RALYL: variants seen among roughly 807,000 people sequenced by gnomAD.
RALYL encodes RALY RNA binding protein like.
In RALYL, 29 loss-of-function variants were observed where a neutral mutation model predicts 35.1. The ratio of observed to expected loss-of-function variants is 0.83; its 90% CI spans 0.61 to 1.13. The LOEUF is 1.13. Among genes scored for constraint, RALYL ranks in the 50% most tolerant of loss-of-function variants. RALYL has a pLI of 0.00. For missense variants in RALYL, 359 were observed against 360.4 expected (o/e 1.00, Z 0.03); for synonymous variants, 120 against 127.6 (o/e 0.94, Z 0.40).
chr8:84,281,213 T>C (rs574961673), intron 1 of RALYL, among the ~76,000 whole-genome samples: 1 of 152,308 alleles, frequency 6.6e-6, no homozygotes, highest in South Asian at 2.1e-4. Flanking sequence ...CTAAAATCAC[T>C]TGGGATACTG....
intron 7 of RALYL, among the ~76,000 whole-genome samples, chr8:84,885,832 C>T (rs1842847566): frequency 6.6e-6 from 1 of 152,086 alleles, no homozygotes; most frequent in Non-Finnish European, 1.5e-5. Context: ...TGTTGTTATT[C>T]AGTGAAGAGC....
intron 1 of RALYL, among the ~76,000 whole-genome samples, chr8:84,368,145 A>AC (rs1219509630): frequency 6.6e-6 from 1 of 151,946 alleles, no homozygotes; most frequent in Non-Finnish European, 1.5e-5. Context: ...AGAATTTGTA[A>AC]CTGAAAAACG....
intron 2 of RALYL, among the ~76,000 whole-genome samples, chr8:84,636,684 T>C (rs2131314158): frequency 6.6e-6 from 1 of 151,992 alleles, no homozygotes; most frequent in Non-Finnish European, 1.5e-5. Flanking sequence ...CAAGCATTTA[T>C]CTTATTGACA....
At chr8:84,458,263 G>T (rs1202592926) in intron 1 of RALYL, among the ~76,000 whole-genome samples, 1 of 151,794 alleles carries the variant, frequency 6.6e-6, no homozygotes, top group Non-Finnish European at 1.5e-5. Context: ...GATGATAAAT[G>T]TGTAGTCCTC....
At chr8:84,327,743 C>A (rs185091088) in intron 1 of RALYL, among the ~76,000 whole-genome samples, 1 of 151,646 alleles carries the variant, frequency 6.6e-6, no homozygotes, top group Non-Finnish European at 1.5e-5. Flanking sequence ...AGCTTTAAAG[C>A]AGTAGGAATT....
intron 1 of RALYL, among the ~76,000 whole-genome samples, chr8:84,358,918 A>G (rs921711149): frequency 6.6e-6 from 1 of 152,062 alleles, no homozygotes; most frequent in African/African-American, 2.4e-5. Context: ...AGGATCCAGA[A>G]CATATGTAAA....
chr8:84,556,532 T>C (rs1445197858), intron 2 of RALYL, among the ~76,000 whole-genome samples: 1 of 152,144 alleles, frequency 6.6e-6, no homozygotes, highest in Admixed American at 6.5e-5. Context: ...AAAACACATC[T>C]TTATTATTTA....
At chr8:84,776,277 C>T in intron 3 of RALYL, among the ~76,000 whole-genome samples, 1 of 152,078 alleles carries the variant, frequency 6.6e-6, no homozygotes, top group Non-Finnish European at 1.5e-5. Context: ...CTTCTGAGGT[C>T]CTAGTCATGC....
rs147191114 is a variant in RALYL at position 84,574,654 on chromosome 8, T to G, written c.256+45077T>G. Among the ~76,000 whole-genome samples the G allele has an allele frequency of 2.3e-3, 347 of 152,238 alleles. 2 individuals carry two copies. The highest frequency in any genetic ancestry group is 5.3e-3 in the African/African-American group (220 of 41,568). On this transcript the variant is annotated intron_variant, in intron 2 of 8. Coordinates refer to ENST00000521268, the MANE Select transcript of RALYL (RefSeq NM_173848.7). ...TACCTCACATGTTTCTTGTCTCTGT[T>G]TTCTCAGTCTTGTGCTGCCTACTTT...
At chr8:84,909,951 G>A (rs796925947) in intron 8 of RALYL, among the ~76,000 whole-genome samples, 3 of 152,134 alleles carry the variant, frequency 2.0e-5, no homozygotes, top group Non-Finnish European at 2.9e-5. Flanking sequence ...TAACTAACAG[G>A]TCCTCATCTC....
intron 1 of RALYL, among the ~76,000 whole-genome samples, chr8:84,400,939 G>A (rs2042828505): frequency 6.6e-6 from 1 of 152,112 alleles, no homozygotes; most frequent in South Asian, 2.1e-4. Flanking sequence ...TGTTTAATTG[G>A]TATTCCTTCT....
chr8:84,881,299 A>G (rs1392336469), intron 7 of RALYL, among the ~76,000 whole-genome samples: 1 of 151,984 alleles, frequency 6.6e-6, no homozygotes, highest in East Asian at 1.9e-4. Context: ...TTGTAATATA[A>G]AATTTTTCTT....
intron 4 of RALYL, among the ~76,000 whole-genome samples, chr8:84,843,358 C>T (rs192552725): frequency 0.011 from 1,682 of 152,074 alleles, 21 homozygotes; most frequent in Non-Finnish European, 0.015. Flanking sequence ...GAGTGACCGC[C>T]GATTCACAAT....
rs191191645 is a variant in RALYL at position 84,730,446 on chromosome 8, C to G, written c.257-44133C>G. ...CAATATCATACTGAATGGGCAAAAA[C>G]TGGAAGCATTCCCTTTGAAAACTGG... On this transcript the variant is annotated intron_variant, in intron 2 of 8. Coordinates refer to ENST00000521268, the MANE Select transcript of RALYL (RefSeq NM_173848.7). Among the ~76,000 whole-genome samples the G allele has an allele frequency of 2.8e-4, 42 of 152,220 alleles. No individual in the cohort carries two copies. In the East Asian group the frequency reaches 7.1e-3, roughly 26 times the overall value.
intron 1 of RALYL, among the ~76,000 whole-genome samples, chr8:84,401,325 A>T (rs552009354): frequency 6.6e-6 from 1 of 152,044 alleles, no homozygotes; most frequent in African/African-American, 2.4e-5. Flanking sequence ...AGGTTTACTC[A>T]CCATTATGGA....
intron 4 of RALYL, among the ~76,000 whole-genome samples, chr8:84,823,755 C>T (rs1829017624): frequency 6.6e-6 from 1 of 151,866 alleles, no homozygotes; most frequent in African/African-American, 2.4e-5. Flanking sequence ...TCTCCTTGTC[C>T]TACTTCTTCC....
intron 1 of RALYL, among the ~76,000 whole-genome samples, chr8:84,326,107 G>A (rs951587040): frequency 6.6e-6 from 1 of 152,104 alleles, no homozygotes; most frequent in Non-Finnish European, 1.5e-5. Flanking sequence ...GCAAGACACT[G>A]TCTCAAAACA....
At chr8:84,253,928 G>A (rs1364940360) in intron 1 of RALYL, among the ~76,000 whole-genome samples, 2 of 152,030 alleles carry the variant, frequency 1.3e-5, no homozygotes, top group Non-Finnish European at 2.9e-5. Context: ...AATCCATATT[G>A]TCTATCTGGA....
intron 1 of RALYL, among the ~76,000 whole-genome samples, chr8:84,460,562 G>T (rs779348026): frequency 6.6e-6 from 1 of 151,460 alleles, no homozygotes; most frequent in African/African-American, 2.4e-5. Flanking sequence ...AAACATCAAG[G>T]TTCAGAACAG....
Sources: gnomAD v4.1 joint callset for allele counts (sites outside exome capture counted in the v4.1 genomes callset) on GRCh38, gnomAD v4.1.1 for gene constraint, MANE v1.5 for transcripts, NCBI Gene and HGNC (gene_info 2026-07-23, HGNC 2026-07-21) for gene names.